The following SBNO2 variants were observed in gnomAD, a reference collection of about 807,000 sequenced individuals.
SBNO2 encodes the protein protein strawberry notch homolog 2.
In SBNO2, 89 loss-of-function variants were observed where a neutral mutation model predicts 146.3. That is an observed-to-expected ratio of 0.61 (90% CI 0.51 to 0.73). The LOEUF (loss-of-function observed/expected upper bound fraction) is 0.73. Ranked by LOEUF, SBNO2 falls within the 30% of genes least tolerant of loss-of-function variation. The probability of loss-of-function intolerance (pLI) is 0.00; values close to 1 mark genes in which losing one functional copy is unlikely to be tolerated. For synonymous variants in SBNO2, 1,147 were observed against 892.6 expected (o/e 1.29, Z -5.08); for missense variants, 2,092 against 2,003.7 (o/e 1.04, Z -0.84).
intron 5 of SBNO2, among the ~76,000 whole-genome samples, chr19:1,124,742 C>T (rs1009381725): frequency 2.0e-5 from 3 of 152,224 alleles, no homozygotes; most frequent in Non-Finnish European, 2.9e-5. Flanking sequence ...CATGCAGATT[C>T]ACCAGGGTGG....
chr19:1,166,519 G>A (rs2080426468), intron 1 of SBNO2, among the ~76,000 whole-genome samples: 1 of 152,076 alleles, frequency 6.6e-6, no homozygotes, highest in East Asian at 1.9e-4. Flanking sequence ...TGGGGCCAGT[G>A]CGGTGGCCCG....
At chr19:1,137,056 G>T (rs2080090763) in intron 4 of SBNO2, among the ~76,000 whole-genome samples, 1 of 150,326 alleles carries the variant, frequency 6.7e-6, no homozygotes. Flanking sequence ...TCTGGGTGAT[G>T]TCAGGAAGGG....
In SBNO2 at chr19:1,112,700, C is replaced by T; in HGVS notation, c.2379+118G>A. On this transcript the variant is annotated intron_variant, in intron 20 of 31. Transcript: ENST00000361757. The surrounding 1 kb of genome is among the most constrained non-coding windows in gnomAD (Gnocchi z 5.9). ...CCACCCGCCACACGGCCACTCGCGCCCGCACCTGGCACACACACACTCCAG... is the reference window on the plus strand; with the variant it reads ...CCACCCGCCACACGGCCACTCGCGCTCGCACCTGGCACACACACACTCCAG... The T allele has an allele frequency of 6.9e-7, 1 of 1,444,550 alleles. No homozygotes were observed. Among genetic ancestry groups the T allele is most frequent in the Non-Finnish European group, 9.1e-7 (1 of 1,094,030 alleles). 89.5% of individuals were successfully genotyped at this position (1,444,550 alleles called of 1,614,324 possible).
chr19:1,117,579 C>T, intron 14 of SBNO2, 80 bp from the exon 15 acceptor site: 1 of 1,431,522 alleles, frequency 7.0e-7, no homozygotes, highest in Non-Finnish European at 9.3e-7. Flanking sequence ...TGCCGCCAGC[C>T]CTGGGCAAGG....
chr19:1,148,517 C>T (rs867812526), intron 3 of SBNO2, among the ~76,000 whole-genome samples: 3 of 120,288 alleles, frequency 2.5e-5, no homozygotes, highest in South Asian at 5.6e-4. Flanking sequence ...CCTTCCCACC[C>T]TCCTTCACCC....
chr19:1,131,796 C>T (rs899267366), intron 4 of SBNO2, among the ~76,000 whole-genome samples: 5 of 152,356 alleles, frequency 3.3e-5, no homozygotes, highest in Admixed American at 3.3e-4. Flanking sequence ...GGCCCCCGTC[C>T]GGGCAGGGCT....
rs1303374600 is a variant in SBNO2, at chr19:1,126,631, G to A, written c.441+973C>T. Among the ~76,000 whole-genome samples, 1 of 152,108 alleles carries A rather than the reference G, an allele frequency of 6.6e-6. No homozygotes were observed. Among genetic ancestry groups the A allele is most frequent in the Non-Finnish European group, 1.5e-5 (1 of 67,996 alleles). ...GCTTCCTGCCTGGGCCCCCAAGCCC[G>A]TGAGTTCTGCTGCCCGGGTTGCCCC... is the stretch of plus-strand genomic sequence containing the variant. On this transcript the variant is annotated intron_variant, in intron 5 of 31. Transcript: ENST00000361757. This position sits in a 1 kb window ranked among gnomAD's most constrained non-coding sequence, Gnocchi z 4.4.
chr19:1,149,741 G>A (rs987046137), intron 2 of SBNO2, among the ~76,000 whole-genome samples: 17 of 152,352 alleles, frequency 1.1e-4, no homozygotes, highest in Admixed American at 3.3e-4. Context: ...CCCGCAGCCC[G>A]GGAGTCTGCA....
At chr19:1,114,547 T>C (rs1263256244) in intron 17 of SBNO2, 125 bp from the exon 18 acceptor site, 5 of 762,050 alleles carry the variant, frequency 6.6e-6, no homozygotes, top group Non-Finnish European at 7.8e-6. Flanking sequence ...GAGAACCCCC[T>C]GCCTCTGGGC....
intron 7 of SBNO2, 107 bp from the exon 8 acceptor site, chr19:1,123,152 C>A (rs2079924176): frequency 2.3e-6 from 3 of 1,320,322 alleles, no homozygotes; most frequent in Admixed American, 2.1e-5. Context: ...GCTGGCGGGG[C>A]AGTTTGGGGG....
At chr19:1,128,810 A>G (rs2079996467) in intron 4 of SBNO2, among the ~76,000 whole-genome samples, 1 of 151,996 alleles carries the variant, frequency 6.6e-6, no homozygotes, top group African/African-American at 2.4e-5. Flanking sequence ...TCTACTAAAA[A>G]TACAAAAATT....
intron 4 of SBNO2, among the ~76,000 whole-genome samples, chr19:1,134,512 G>T (rs544912571): frequency 6.9e-6 from 1 of 144,460 alleles, no homozygotes; most frequent in Admixed American, 6.7e-5. Flanking sequence ...GCACCTTGAG[G>T]ACCTCACACT....
In SBNO2 at chr19:1,119,142, C is replaced by T. The variant is rs767070021; in HGVS notation, c.1396G>A (p.Val466Met). 8 of 1,602,428 alleles carry T rather than the reference C, an allele frequency of 5.0e-6. No individual in the cohort carries two copies. The highest frequency in any genetic ancestry group is 3.4e-5 in the Admixed American group (2 of 59,266). ...EKRGVGAMEI[V>M]AMDMKVSGMY... Reference sequence around the variant, plus strand: ...CCGCTGACCTTCATGTCCATGGCCACGATCTCCATGGCGCCAACGCCCCTG... The same window carrying T: ...CCGCTGACCTTCATGTCCATGGCCATGATCTCCATGGCGCCAACGCCCCTG... Residue 466 changes from valine (V) to methionine (M), a missense_variant, in exon 14 of 32, where the codon GTG (valine) becomes ATG (methionine). Val to Met is a conservative substitution (Grantham distance 21). Coordinates refer to ENST00000361757, the MANE Select transcript of SBNO2 (RefSeq NM_014963.3).
chr19:1,117,647 A>G, intron 14 of SBNO2, 148 bp from the exon 15 acceptor site: 1 of 788,698 alleles, frequency 1.3e-6, no homozygotes, highest in South Asian at 1.8e-5. Flanking sequence ...TGTGCACTGT[A>G]AGAGGCACTG....
rs1337089767 is a variant in SBNO2 at position 1,125,911 on chromosome 19, T to C, written c.441+1693A>G. 3.3e-5 allele frequency among the ~76,000 whole-genome samples: 5 copies of C among 151,930 alleles called. No homozygotes were observed. The East Asian group carries it at 9.6e-4, about 29-fold the overall frequency. ...CGAGAGGCTGAGGCAGGAGGATCGC[T>C]TTAACCCAGAAGGTCGAGGCTGAAA... On this transcript the variant is annotated intron_variant, in intron 5 of 31. Coordinates refer to ENST00000361757, the MANE Select transcript of SBNO2 (RefSeq NM_014963.3).
At position 1,147,345 on chromosome 19, in the gene SBNO2, G is replaced by A. The variant is rs1428105966; in HGVS notation, c.243C>T (p.Ala81=). 3.2e-6 allele frequency: 5 copies of A among 1,575,828 alleles called. No individual in the cohort carries two copies. In the Admixed American group the frequency reaches 7.4e-5, roughly 23 times the overall value. Residue 81 remains alanine, a synonymous_variant, in exon 4 of 32, where the codon GCC becomes GCT. Transcript: ENST00000361757. ...PDTSYAPVAT[A]SSLPPKTCDF... is the part of the protein sequence containing the mutation. ...CGCAGGTCTTTGGTGGCAAGCTGGA[G>A]GCGGTGGCCACGGGGGCATAGCTGG...
At chr19:1,115,646 A>G in intron 17 of SBNO2, 1 of 311,104 alleles carries the variant, frequency 3.2e-6, no homozygotes, top group Non-Finnish European at 6.1e-6. Flanking sequence ...TTCGACAGGC[A>G]GCTCTGGGCT....
intron 4 of SBNO2, among the ~76,000 whole-genome samples, chr19:1,142,659 G>A (rs985030214): frequency 6.6e-6 from 1 of 151,098 alleles, no homozygotes; most frequent in African/African-American, 2.4e-5. Context: ...CAGCCTGGGT[G>A]ACAGAGCGAG....
chr19:1,160,255 G>GC (rs371881280), intron 1 of SBNO2, among the ~76,000 whole-genome samples: 105 of 152,292 alleles, frequency 6.9e-4, no homozygotes, highest in African/African-American at 2.5e-3. Flanking sequence ...CTGGGGCCCA[G>GC]CAAGCCGCTC....
Sources: gnomAD v4.1 joint callset for allele counts (sites outside exome capture counted in the v4.1 genomes callset) on GRCh38, gnomAD v4.1.1 for gene constraint, Gnocchi (gnomAD v3.1) non-coding constraint, MANE v1.5 for transcripts, NCBI Gene and HGNC (gene_info 2026-07-23, HGNC 2026-07-21) for gene names.